THSD7A: variants seen among roughly 807,000 people sequenced by gnomAD.
The protein encoded by THSD7A is thrombospondin type 1 domain containing 7A, also known as thrombospondin type-1 domain-containing protein 7A.
THSD7A carries 96 observed loss-of-function variants against 231.3 expected under a neutral mutation model. That is an observed-to-expected ratio of 0.41 (90% confidence interval 0.35 to 0.49). THSD7A has a LOEUF of 0.49. THSD7A is among the 20% of genes least tolerant of loss of function. THSD7A has a pLI of 0.05. For synonymous variants in THSD7A, 940 were observed against 743.3 expected (o/e 1.26, Z -4.30); for missense variants, 2,290 against 2,070.2 (o/e 1.11, Z -2.06).
intron 1 of THSD7A, among the ~76,000 whole-genome samples, chr7:11,793,317 T>G (rs1784016481): frequency 6.6e-6 from 1 of 151,958 alleles, no homozygotes; most frequent in Non-Finnish European, 1.5e-5. Flanking sequence ...CAAATAATTC[T>G]TCTAGTAGGT....
At chr7:11,404,135 T>C (rs2115363721) in intron 22 of THSD7A, among the ~76,000 whole-genome samples, 1 of 152,274 alleles carries the variant, frequency 6.6e-6, no homozygotes, top group East Asian at 1.9e-4. Flanking sequence ...CAGGTTATAA[T>C]CTTATATATT....
chr7:11,721,592 C>T (rs957601030), intron 1 of THSD7A, among the ~76,000 whole-genome samples: 3 of 151,736 alleles, frequency 2.0e-5, no homozygotes, highest in African/African-American at 2.4e-5. Flanking sequence ...AATGTGAGAA[C>T]GGACTAATAC....
At chr7:11,791,285 C>T (rs952553100) in intron 1 of THSD7A, among the ~76,000 whole-genome samples, 2 of 151,942 alleles carry the variant, frequency 1.3e-5, no homozygotes, top group Non-Finnish European at 2.9e-5. Context: ...TTACCAAAAG[C>T]CCTTCATCCA....
chr7:11,625,179 G>C (rs917901683), intron 2 of THSD7A, among the ~76,000 whole-genome samples: 5 of 152,030 alleles, frequency 3.3e-5, no homozygotes, highest in African/African-American at 1.2e-4. Flanking sequence ...ATGTAGGTTA[G>C]TTTGTGATCT....
intron 1 of THSD7A, among the ~76,000 whole-genome samples, chr7:11,740,748 A>T (rs1250884526): frequency 1.3e-5 from 2 of 151,964 alleles, no homozygotes; most frequent in Non-Finnish European, 2.9e-5. Flanking sequence ...ATGCTATAAT[A>T]TGTCAGTACC....
chr7:11,395,755 C>T (rs1422294920), intron 23 of THSD7A, among the ~76,000 whole-genome samples: 5 of 152,030 alleles, frequency 3.3e-5, no homozygotes, highest in African/African-American at 1.2e-4. Context: ...CTCAAACTAC[C>T]GACCTTGTAA....
intron 1 of THSD7A, among the ~76,000 whole-genome samples, chr7:11,829,248 G>A (rs1181657176): frequency 1.3e-5 from 2 of 151,678 alleles, no homozygotes; most frequent in Admixed American, 1.3e-4. Flanking sequence ...ATTGTTCAAG[G>A]GTCAACTTTA....
At chr7:11,505,288 T>C (rs945804342) in intron 6 of THSD7A, among the ~76,000 whole-genome samples, 1 of 152,164 alleles carries the variant, frequency 6.6e-6, no homozygotes, top group Non-Finnish European at 1.5e-5. Context: ...TCTCAAAATG[T>C]TTTACAAGGG....
chr7:11,460,519 CT>C (rs1785466160), intron 11 of THSD7A, 142 bp downstream of exon 11: 1 of 538,380 alleles, frequency 1.9e-6, no homozygotes, highest in Non-Finnish European at 3.2e-6. Flanking sequence ...TTTCTATGTC[CT>C]GATGTTTTGT....
At chr7:11,638,765 T>C (rs1293428988) in intron 1 of THSD7A, among the ~76,000 whole-genome samples, 1 of 152,084 alleles carries the variant, frequency 6.6e-6, no homozygotes, top group Non-Finnish European at 1.5e-5. Flanking sequence ...ATGTTGAAAC[T>C]TTATGGGAGA....
chr7:11,446,443 T>A lies in THSD7A; in HGVS notation c.2801-119A>T. 8.7e-7 allele frequency: 1 copy of A among 1,148,758 alleles called. No homozygotes were observed. The highest frequency in any genetic ancestry group is 1.2e-6 in the Non-Finnish European group (1 of 814,566). The allele number at this position is 1,148,758 out of a possible 1,614,324, so 71.2% of individuals were successfully genotyped here. A position where few individuals can be genotyped will look rare whatever the true frequency, so the allele number is the denominator to read the frequency against. ...CTTCATTTTTAACCATATTTAACAG[T>A]AGCCTATAAATCAATGCTATTTTCT... On this transcript the variant is annotated intron_variant, in intron 12 of 27. Transcript: ENST00000423059. The surrounding 1 kb of genome is among the most constrained non-coding windows in gnomAD (Gnocchi z 4.0).
At chr7:11,393,542 G>A (rs1006894683) in intron 23 of THSD7A, among the ~76,000 whole-genome samples, 8 of 152,138 alleles carry the variant, frequency 5.3e-5, no homozygotes, top group Non-Finnish European at 8.8e-5. Context: ...GCCTTCAGAA[G>A]GTGAGTAATA....
chr7:11,430,684 G>A (rs1784454595), intron 13 of THSD7A, among the ~76,000 whole-genome samples: 1 of 152,006 alleles, frequency 6.6e-6, no homozygotes, highest in Admixed American at 6.6e-5. Flanking sequence ...GTGTTGCTCA[G>A]GTTGGTCTGG....
At chr7:11,414,900 T>G (rs778992358) in intron 17 of THSD7A, among the ~76,000 whole-genome samples, 7 of 152,224 alleles carry the variant, frequency 4.6e-5, no homozygotes, top group Non-Finnish European at 1.0e-4. Flanking sequence ...TCTCCCTACC[T>G]AACACCGTTA....
At chr7:11,715,608 GATTCTTGTTTAAAATGGAATTCT>G (rs1487688625) in intron 1 of THSD7A, among the ~76,000 whole-genome samples, 3 of 151,320 alleles carry the variant, frequency 2.0e-5, no homozygotes, top group Non-Finnish European at 4.4e-5. Context: ...ATTTTGTATA[GATTCTTGTTTAAAATGGAATTCT>G]ATTTTTGCTT....
At chr7:11,542,005 G>C (rs1271421964) in intron 5 of THSD7A, among the ~76,000 whole-genome samples, 1 of 152,182 alleles carries the variant, frequency 6.6e-6, no homozygotes, top group Non-Finnish European at 1.5e-5. Flanking sequence ...TTCAAAGAAG[G>C]AGTGAAATTT....
rs1358456406 is a variant in THSD7A, at chr7:11,634,562, T to C, written c.1022+1568A>G. Among the ~76,000 whole-genome samples the C allele has an allele frequency of 4.7e-5, 7 of 149,478 alleles. No individual in the cohort carries two copies. In the East Asian group the frequency reaches 1.4e-3, roughly 30 times the overall value. ...AGAAAAGAACAAAATAGGAATTGAG[T>C]TGAAAATATACATGATACAGAATCA... On this transcript the variant is annotated intron_variant, in intron 2 of 27. Coordinates refer to ENST00000423059, the MANE Select transcript of THSD7A (RefSeq NM_015204.3). The surrounding 1 kb of genome is among the most constrained non-coding windows in gnomAD (Gnocchi z 4.1).
Position 11,458,076 on chromosome 7 carries a change from T to C in THSD7A, c.2605+2586A>G, listed in dbSNP as rs149768918. On this transcript the variant is annotated intron_variant, in intron 11 of 27. Transcript: ENST00000423059. ...AATGCAAAAACAGTGGAATGAGTAA[T>C]TGAAATGAGAAATTCTGATGTGCTA... Among the ~76,000 whole-genome samples, 458 of 152,244 alleles carry C rather than the reference T, an allele frequency of 3.0e-3. 3 individuals are homozygous for C. Among genetic ancestry groups the C allele is most frequent in the African/African-American group, 0.011 (445 of 41,576 alleles).
At chr7:11,622,840 C>A (rs1329416044) in intron 2 of THSD7A, among the ~76,000 whole-genome samples, 1 of 152,000 alleles carries the variant, frequency 6.6e-6, no homozygotes, top group Non-Finnish European at 1.5e-5. Context: ...CATAGAGGAA[C>A]AAAGTAAGAG....
Sources: gnomAD v4.1 joint callset for allele counts (sites outside exome capture counted in the v4.1 genomes callset) on GRCh38, gnomAD v4.1.1 for gene constraint, Gnocchi (gnomAD v3.1) non-coding constraint, MANE v1.5 for transcripts, NCBI Gene and HGNC (gene_info 2026-07-23, HGNC 2026-07-21) for gene names.